The following ARSB variants were observed in gnomAD, a reference collection of about 807,000 sequenced individuals.
ARSB encodes arylsulfatase B.
Under a neutral mutation model 50.9 loss-of-function variants are expected in ARSB, and 41 were observed. The observed-to-expected ratio is 0.81, with a 90% CI of 0.63 to 1.04. The LOEUF (loss-of-function observed/expected upper bound fraction) is 1.04, where lower values mean the gene tolerates loss of function less well. Ranked by LOEUF, ARSB falls within the 50% of genes least tolerant of loss-of-function variation. The probability of loss-of-function intolerance (pLI) is 0.00; values close to 1 mark genes in which losing one functional copy is unlikely to be tolerated. For missense variants in ARSB, 672 were observed against 693.3 expected, an observed-to-expected ratio of 0.97 and a Z score of 0.35; for synonymous variants, 269 against 284.8, an observed-to-expected ratio of 0.94 and a Z score of 0.56.
At chr5:78,969,850 C>T (rs1752375683) in intron 1 of ARSB, among the ~76,000 whole-genome samples, 1 of 152,192 alleles carries the variant, frequency 6.6e-6, no homozygotes, top group African/African-American at 2.4e-5. Context: ...AACTCCTGAC[C>T]TCAGGTGATC....
intron 6 of ARSB, among the ~76,000 whole-genome samples, chr5:78,782,287 CTTTT>C (rs956622249): frequency 6.6e-6 from 1 of 151,968 alleles, no homozygotes; most frequent in Admixed American, 6.6e-5. Context: ...AGCAGAGTGA[CTTTT>C]TTTTGGTTTT....
chr5:78,861,516 T>C (rs1379203008), intron 5 of ARSB, among the ~76,000 whole-genome samples: 1 of 152,150 alleles, frequency 6.6e-6, no homozygotes, highest in East Asian at 1.9e-4. Context: ...AAAAACTGTA[T>C]GATTATCTCA....
At chr5:78,841,944 A>G in intron 5 of ARSB, among the ~76,000 whole-genome samples, 1 of 152,184 alleles carries the variant, frequency 6.6e-6, no homozygotes, top group Admixed American at 6.5e-5. Context: ...GTGGTTAGAG[A>G]TATGGGCCAA....
At chr5:78,887,454 G>A (rs1202447686) in intron 4 of ARSB, among the ~76,000 whole-genome samples, 2 of 152,158 alleles carry the variant, frequency 1.3e-5, no homozygotes, top group Non-Finnish European at 2.9e-5. Context: ...CACCTCCCAA[G>A]ATGCAGTGGC....
intron 4 of ARSB, among the ~76,000 whole-genome samples, chr5:78,901,309 A>G (rs1748795229): frequency 6.6e-6 from 1 of 152,124 alleles, no homozygotes; most frequent in South Asian, 2.1e-4. Context: ...CAGGAGGGAG[A>G]CGGGGGATTA....
chr5:78,983,425 G>A (rs990175304), intron 1 of ARSB, among the ~76,000 whole-genome samples: 1 of 152,192 alleles, frequency 6.6e-6, no homozygotes, highest in African/African-American at 2.4e-5. Flanking sequence ...TTGGAGAAAT[G>A]AATGGCCCTT....
Position 78,985,028 on chromosome 5 carries a change from G to A in ARSB, c.221C>T (p.Ala74Val), listed in dbSNP as rs974602698. The A allele has an allele frequency of 2.6e-6, 4 of 1,541,384 alleles. No individual in the cohort carries two copies. Among genetic ancestry groups the A allele is most frequent in the South Asian group, 1.2e-5 (1 of 83,330 alleles). ...CAGGAGCACCCCGCCGGCCGCCAGC[G>A]CGTCCAGGTGCGGCGTGCGGATGCG... ...GSRIRTPHLDALAAGGVLLDN... is the reference protein window; with the variant it reads ...GSRIRTPHLDVLAAGGVLLDN... Residue 74 changes from alanine (A) to valine (V), a missense_variant, in exon 1 of 8, where the codon GCG (alanine) becomes GTG (valine). By Grantham distance (64) the Ala-to-Val change is moderately conservative. Coordinates refer to ENST00000264914, the MANE Select transcript of ARSB (RefSeq NM_000046.5).
chr5:78,946,446 G>A (rs1007769379), intron 4 of ARSB, among the ~76,000 whole-genome samples: 2 of 152,032 alleles, frequency 1.3e-5, no homozygotes, highest in Non-Finnish European at 2.9e-5. Flanking sequence ...ATAAAAATCG[G>A]TAACATTTCT....
At chr5:78,828,901 G>A (rs533424929) in intron 6 of ARSB, among the ~76,000 whole-genome samples, 37 of 152,360 alleles carry the variant, frequency 2.4e-4, no homozygotes, top group African/African-American at 7.9e-4. Flanking sequence ...TGGGCCCAAT[G>A]TTATCACAAG....
chr5:78,844,796 T>G (rs768015191), intron 5 of ARSB, among the ~76,000 whole-genome samples: 2 of 152,138 alleles, frequency 1.3e-5, no homozygotes, highest in Non-Finnish European at 2.9e-5. Flanking sequence ...CTAGAGTATA[T>G]TTCAATATAT....
chr5:78,801,782 G>A (rs1458785317), intron 6 of ARSB, among the ~76,000 whole-genome samples: 2 of 152,058 alleles, frequency 1.3e-5, no homozygotes, highest in South Asian at 2.1e-4. Flanking sequence ...AGAGAAGCAC[G>A]CTGGCCTTGG....
intron 4 of ARSB, among the ~76,000 whole-genome samples, chr5:78,910,950 G>A (rs1302657463): frequency 6.6e-6 from 1 of 152,134 alleles, no homozygotes; most frequent in African/African-American, 2.4e-5. Flanking sequence ...GCTCCAGAAA[G>A]AGATTTAATG....
intron 4 of ARSB, among the ~76,000 whole-genome samples, chr5:78,913,773 A>G (rs917512939): frequency 1.4e-5 from 2 of 146,904 alleles, no homozygotes; most frequent in African/African-American, 5.5e-5. Flanking sequence ...CAGCTGGGGG[A>G]AAAAAAATTT....
intron 6 of ARSB, among the ~76,000 whole-genome samples, chr5:78,785,173 C>T (rs1251526924): frequency 6.6e-6 from 1 of 152,164 alleles, no homozygotes; most frequent in African/African-American, 2.4e-5. Context: ...TTTTCTATTT[C>T]ATTAACTTCT....
intron 6 of ARSB, among the ~76,000 whole-genome samples, chr5:78,810,882 G>A (rs981318244): frequency 1.8e-4 from 27 of 152,304 alleles, no homozygotes; most frequent in Non-Finnish European, 3.5e-4. Flanking sequence ...TTGACATAGT[G>A]TTGTTAACAT....
chr5:78,948,487 TG>T (rs1751352221), intron 4 of ARSB, among the ~76,000 whole-genome samples: 1 of 152,166 alleles, frequency 6.6e-6, no homozygotes. Context: ...ATAGTATGTG[TG>T]TAATGAGAAA....
At chr5:78,826,924 T>C (rs1274480871) in intron 6 of ARSB, among the ~76,000 whole-genome samples, 1 of 152,094 alleles carries the variant, frequency 6.6e-6, no homozygotes, top group African/African-American at 2.4e-5. Flanking sequence ...GTCAGGAGCA[T>C]TAGGAATCAC....
intron 6 of ARSB, among the ~76,000 whole-genome samples, chr5:78,834,591 C>G (rs1744849057): frequency 9.0e-6 from 1 of 111,430 alleles, no homozygotes; most frequent in Admixed American, 1.0e-4. Context: ...GATACTATTT[C>G]ATGGTATATA....
intron 5 of ARSB, among the ~76,000 whole-genome samples, chr5:78,855,474 G>A (rs1746091485): frequency 2.0e-5 from 3 of 152,170 alleles, no homozygotes; most frequent in African/African-American, 4.8e-5. Flanking sequence ...ACAGTTGCTC[G>A]ACTTGGGGAT....
Sources: allele counts gnomAD v4.1 joint callset (sites outside exome capture counted in the v4.1 genomes callset), GRCh38; gene constraint gnomAD v4.1.1; transcripts MANE v1.5; gene names NCBI Gene and HGNC (gene_info 2026-07-23, HGNC 2026-07-21).